Variants in LRFN5 observed in about 807,000 individuals in gnomAD.
LRFN5 encodes the protein leucine rich repeat and fibronectin type III domain containing 5.
LRFN5 carries 24 observed loss-of-function variants against 45.6 expected under a neutral mutation model. That is an observed-to-expected ratio of 0.53 (90% CI 0.38 to 0.74). The LOEUF is 0.74. Ranked by LOEUF, LRFN5 falls within the 30% of genes least tolerant of loss-of-function variation. The pLI is 0.00. For missense variants in LRFN5, 776 were observed against 861.5 expected (o/e 0.90, Z 1.24); for synonymous variants, 340 against 313.8 (o/e 1.08, Z -0.88).
chr14:41,853,440 C>T (rs1446305012), intron 2 of LRFN5, among the ~76,000 whole-genome samples: 1 of 151,896 alleles, frequency 6.6e-6, no homozygotes, highest in African/African-American at 2.4e-5. Context: ...ATATATTTGA[C>T]TATAGACTTA....
rs1887668057 is a variant in LRFN5 at position 41,809,527 on chromosome 14, A to C, written c.-21+42498A>C. On this transcript the variant is annotated intron_variant, in intron 2 of 5. Coordinates refer to ENST00000298119, the MANE Select transcript of LRFN5 (RefSeq NM_152447.5). ...AAAGTCTAATTTTATAAAACTCTTC[A>C]AAATTTTAATTAAAATATATAAGTC... Among the ~76,000 whole-genome samples the C allele has an allele frequency of 3.3e-5, 5 of 151,924 alleles. No homozygotes were observed. In the South Asian group the frequency reaches 1.0e-3, roughly 31 times the overall value.
chr14:41,793,160 G>T (rs1566445429), intron 2 of LRFN5, among the ~76,000 whole-genome samples: 2 of 149,862 alleles, frequency 1.3e-5, no homozygotes, highest in Non-Finnish European at 3.0e-5. Flanking sequence ...AAAAAAAAAA[G>T]AAAAAAAAAG....
intron 1 of LRFN5, among the ~76,000 whole-genome samples, chr14:41,675,509 A>G (rs1312755506): frequency 1.3e-5 from 2 of 152,194 alleles, no homozygotes; most frequent in African/African-American, 2.4e-5. Flanking sequence ...AGGCTGAGGC[A>G]GGAGAATCAG....
intron 1 of LRFN5, among the ~76,000 whole-genome samples, chr14:41,756,411 G>A (rs1028778828): frequency 9.8e-5 from 15 of 152,302 alleles, no homozygotes; most frequent in East Asian, 5.8e-4. Context: ...CCATTCAGAC[G>A]TAGATTTGAC....
At chr14:41,779,214 A>G (rs539842502) in intron 2 of LRFN5, among the ~76,000 whole-genome samples, 152 of 151,950 alleles carry the variant, frequency 1.0e-3, no homozygotes, top group African/African-American at 3.5e-3. Context: ...AAAAGATATC[A>G]GATTTTGTCA....
At chr14:41,787,734 G>A (rs1886777924) in intron 2 of LRFN5, among the ~76,000 whole-genome samples, 1 of 151,048 alleles carries the variant, frequency 6.6e-6, no homozygotes, top group Non-Finnish European at 1.5e-5. Context: ...ATTGCTATTT[G>A]TATTTTCTCC....
At chr14:41,679,714 T>C (rs1881799171) in intron 1 of LRFN5, among the ~76,000 whole-genome samples, 1 of 152,072 alleles carries the variant, frequency 6.6e-6, no homozygotes, top group African/African-American at 2.4e-5. Flanking sequence ...GGGACACTTC[T>C]GTTTGAGAAA....
chr14:41,795,780 T>A (rs1887103826), intron 2 of LRFN5, among the ~76,000 whole-genome samples: 1 of 150,902 alleles, frequency 6.6e-6, no homozygotes, highest in African/African-American at 2.4e-5. Flanking sequence ...CTGTCGTAGG[T>A]TGGGGGGAGG....
intron 1 of LRFN5, among the ~76,000 whole-genome samples, chr14:41,641,914 G>A (rs537050317): frequency 2.0e-5 from 3 of 152,152 alleles, no homozygotes; most frequent in South Asian, 4.2e-4. Flanking sequence ...CCTCTTGAGC[G>A]AGAAAAATGT....
Position 41,750,986 on chromosome 14 carries a change from C to A in LRFN5, c.-196-15868C>A, listed in dbSNP as rs185938067. On this transcript the variant is annotated intron_variant, in intron 1 of 5. Transcript: ENST00000298119. Reference sequence around the variant, plus strand: ...ATCCCTCCCTCAGCCCCCTACGTCCCGACAGGCCCCAGTGTGTGATGTTCC... The same window carrying A: ...ATCCCTCCCTCAGCCCCCTACGTCCAGACAGGCCCCAGTGTGTGATGTTCC... 3.3e-5 allele frequency among the ~76,000 whole-genome samples: 5 copies of A among 152,038 alleles called. No individual in the cohort carries two copies. In the East Asian group the frequency reaches 9.7e-4, roughly 29 times the overall value.
intron 1 of LRFN5, among the ~76,000 whole-genome samples, chr14:41,638,116 C>T (rs1214551307): frequency 6.6e-6 from 1 of 152,094 alleles, no homozygotes; most frequent in Non-Finnish European, 1.5e-5. Context: ...AGTAACCTAT[C>T]CATATGGATA....
At chr14:41,680,809 T>C (rs933623607) in intron 1 of LRFN5, among the ~76,000 whole-genome samples, 1 of 152,042 alleles carries the variant, frequency 6.6e-6, no homozygotes, top group Non-Finnish European at 1.5e-5. Context: ...CACAGATATG[T>C]GACCTTTCAG....
chr14:41,645,790 G>C (rs766830535), intron 1 of LRFN5, among the ~76,000 whole-genome samples: 3 of 152,152 alleles, frequency 2.0e-5, no homozygotes, highest in Non-Finnish European at 4.4e-5. Context: ...AGGGCAGAGT[G>C]AAGCAGAATT....
At chr14:41,848,437 G>A (rs1889144933) in intron 2 of LRFN5, among the ~76,000 whole-genome samples, 1 of 151,754 alleles carries the variant, frequency 6.6e-6, no homozygotes, top group African/African-American at 2.4e-5. Flanking sequence ...AAAGAGAATG[G>A]GGCAATTGAG....
intron 1 of LRFN5, among the ~76,000 whole-genome samples, chr14:41,702,931 G>A (rs939341435): frequency 1.3e-5 from 2 of 152,078 alleles, no homozygotes; most frequent in Non-Finnish European, 2.9e-5. Flanking sequence ...ATAGTTCAAA[G>A]TGTATTTTTA....
chr14:41,700,921 G>A (rs1369179186), intron 1 of LRFN5: 2 of 151,984 alleles, frequency 1.3e-5, no homozygotes, highest in Admixed American at 1.3e-4. Context: ...TGAACATAGT[G>A]GTGTAGGCAT....
At chr14:41,899,033 T>C (rs1891027293) in intron 5 of LRFN5, 73 bp downstream of exon 5, 2 of 1,211,326 alleles carry the variant, frequency 1.7e-6, no homozygotes, top group South Asian at 2.9e-5. Flanking sequence ...TAACTTTAAG[T>C]AATTAGTTTG....
At chr14:41,897,630 C>G (rs1262501379) in intron 4 of LRFN5, among the ~76,000 whole-genome samples, 1 of 151,818 alleles carries the variant, frequency 6.6e-6, no homozygotes, top group Non-Finnish European at 1.5e-5. Flanking sequence ...TCAGAGAACT[C>G]CCAGAAAAAC....
At chr14:41,782,990 T>TTTC (rs1555317743) in intron 2 of LRFN5, among the ~76,000 whole-genome samples, 1 of 151,048 alleles carries the variant, frequency 6.6e-6, no homozygotes, top group Non-Finnish European at 1.5e-5. Context: ...TTTTTTTTTT[T>TTTC]CTATTAGATG....
Sources: gnomAD v4.1 joint callset for allele counts (sites outside exome capture counted in the v4.1 genomes callset) on GRCh38, gnomAD v4.1.1 for gene constraint, MANE v1.5 for transcripts, NCBI Gene and HGNC (gene_info 2026-07-23, HGNC 2026-07-21) for gene names.